SKAP1: variants seen among roughly 807,000 people sequenced by gnomAD.
SKAP1 encodes src kinase-associated phosphoprotein 1.
In SKAP1, 44 loss-of-function variants were observed where a neutral mutation model predicts 58.5. That is an observed-to-expected ratio of 0.75 (90% confidence interval 0.59 to 0.97). The LOEUF (loss-of-function observed/expected upper bound fraction) is 0.97. Among genes scored for constraint, SKAP1 ranks in the 50% least tolerant of loss-of-function variants. SKAP1 has a pLI of 0.00. For missense variants in SKAP1, 390 were observed against 435.2 expected (o/e 0.90, Z 0.92); for synonymous variants, 127 against 149.7 (o/e 0.85, Z 1.11).
At position 48,307,643 on chromosome 17, in the gene SKAP1, G is replaced by A. The variant is rs1349333148; in HGVS notation, c.280+38262C>T. 3.3e-5 allele frequency: 5 copies of A among 152,262 alleles called. No homozygotes were observed. In the East Asian group the frequency reaches 5.8e-4, roughly 18 times the overall value. 9.4% of individuals were successfully genotyped at this position (152,262 alleles called of 1,614,324 possible). A position where few individuals can be genotyped will look rare whatever the true frequency, so the allele number is the denominator to read the frequency against. On this transcript the variant is annotated intron_variant, in intron 4 of 12. Transcript: ENST00000336915. Reference sequence around the variant, plus strand: ...CAGATGTCTGTGGGGCTTTTTCTGTGCTTTAGAAAACAACATTAAATTTAA... The same window carrying A: ...CAGATGTCTGTGGGGCTTTTTCTGTACTTTAGAAAACAACATTAAATTTAA...
chr17:48,151,593 C>T (rs2063902923), intron 11 of SKAP1, among the ~76,000 whole-genome samples: 1 of 152,194 alleles, frequency 6.6e-6, no homozygotes, highest in East Asian at 1.9e-4. Flanking sequence ...TTATGCCTAT[C>T]TTTCTAGCTG....
intron 1 of SKAP1, among the ~76,000 whole-genome samples, chr17:48,401,140 T>A (rs965911647): frequency 6.6e-6 from 1 of 152,072 alleles, no homozygotes; most frequent in Admixed American, 6.5e-5. Context: ...ACCCTGTCTC[T>A]ACTAAAAATA....
At chr17:48,443,950 A>G in the SKAP1 span, among the ~76,000 whole-genome samples, 1 of 152,112 alleles carries the variant, frequency 6.6e-6, no homozygotes, top group Non-Finnish European at 1.5e-5. Context: ...ATTTTTCATA[A>G]TAAATAAAAT....
chr17:48,385,916 C>T (rs2067269482), intron 2 of SKAP1, among the ~76,000 whole-genome samples: 1 of 152,034 alleles, frequency 6.6e-6, no homozygotes, highest in African/African-American at 2.4e-5. Flanking sequence ...GGGATGCTGC[C>T]GGCCAAATGT....
At chr17:48,243,542 C>T (rs1286907426) in intron 4 of SKAP1, among the ~76,000 whole-genome samples, 1 of 152,112 alleles carries the variant, frequency 6.6e-6, no homozygotes, top group East Asian at 1.9e-4. Context: ...AACATGGTAA[C>T]ATATATCCAT....
At chr17:48,309,251 G>A (rs1434752829) in intron 4 of SKAP1, among the ~76,000 whole-genome samples, 1 of 151,558 alleles carries the variant, frequency 6.6e-6, no homozygotes, top group Non-Finnish European at 1.5e-5. Context: ...TATTTGTATT[G>A]TAAATATTTT....
intron 2 of SKAP1, among the ~76,000 whole-genome samples, chr17:48,374,322 G>A (rs951009263): frequency 6.6e-6 from 1 of 151,204 alleles, no homozygotes; most frequent in Non-Finnish European, 1.5e-5. Context: ...TTACAGATGT[G>A]AGCCATTGCA....
chr17:48,227,042 T>C (rs1205313107), intron 4 of SKAP1, among the ~76,000 whole-genome samples: 2 of 152,180 alleles, frequency 1.3e-5, no homozygotes, highest in African/African-American at 2.4e-5. Context: ...GTTTTGGTTA[T>C]TGAGCTTGCT....
intron 4 of SKAP1, among the ~76,000 whole-genome samples, chr17:48,206,104 T>A (rs1291303240): frequency 6.6e-6 from 1 of 152,178 alleles, no homozygotes; most frequent in Non-Finnish European, 1.5e-5. Context: ...ATGGAACTGA[T>A]GGATCATCTG....
intron 4 of SKAP1, among the ~76,000 whole-genome samples, chr17:48,336,726 G>A (rs531441555): frequency 6.6e-6 from 1 of 152,190 alleles, no homozygotes; most frequent in South Asian, 2.1e-4. Flanking sequence ...TAAGAATGAT[G>A]TGAATTCATT....
intron 8 of SKAP1, among the ~76,000 whole-genome samples, chr17:48,181,794 C>T (rs1241554369): frequency 6.6e-6 from 1 of 152,152 alleles, no homozygotes; most frequent in Non-Finnish European, 1.5e-5. Context: ...CCAGATAAGG[C>T]TTCCCTGGCC....
At chr17:48,397,106 C>T (rs775341070) in intron 1 of SKAP1, 9 of 430,976 alleles carry the variant, frequency 2.1e-5, no homozygotes, top group African/African-American at 1.5e-4. Flanking sequence ...CAAGACCTTG[C>T]TATGAATTTA....
chr17:48,135,174 T>C (rs2063683455), intron 12 of SKAP1, among the ~76,000 whole-genome samples: 1 of 152,242 alleles, frequency 6.6e-6, no homozygotes, highest in Admixed American at 6.5e-5. Flanking sequence ...TGTATTTTCC[T>C]AAATGAGTTC....
chr17:48,407,308 A>G (rs1224751860), intron 1 of SKAP1, among the ~76,000 whole-genome samples: 4 of 152,224 alleles, frequency 2.6e-5, no homozygotes, highest in Non-Finnish European at 5.9e-5. Flanking sequence ...AAACAAGTCT[A>G]TGGGGAAAAG....
At chr17:48,163,156 G>T (rs1429311937) in intron 10 of SKAP1, among the ~76,000 whole-genome samples, 1 of 152,144 alleles carries the variant, frequency 6.6e-6, no homozygotes, top group Non-Finnish European at 1.5e-5. Context: ...AACCAAGGGG[G>T]TGTCTCATCC....
At chr17:48,346,065 A>T (rs1276666630) in intron 3 of SKAP1, 59 bp from the exon 4 acceptor site, 3 of 992,704 alleles carry the variant, frequency 3.0e-6, no homozygotes, top group Non-Finnish European at 4.5e-6. Flanking sequence ...ATAAAAGGAT[A>T]CATCCTTATA....
Position 48,354,892 on chromosome 17 carries a change from G to A in SKAP1, c.179-8886C>T, listed in dbSNP as rs536325298. 2.0e-5 allele frequency among the ~76,000 whole-genome samples: 3 copies of A among 152,122 alleles called. No homozygotes were observed. In the East Asian group the frequency reaches 5.8e-4, roughly 29 times the overall value. On this transcript the variant is annotated intron_variant, in intron 3 of 12. Transcript: ENST00000336915. ...AAAACAAAAAAGCTTGTATTCAAAT[G>A]GACTACACTTTTCTCTCAATATTTT...
chr17:48,329,746 C>T (rs72827832), intron 4 of SKAP1, among the ~76,000 whole-genome samples: 3 of 151,862 alleles, frequency 2.0e-5, no homozygotes, highest in African/African-American at 7.3e-5. Context: ...ATGCTACTTC[C>T]TTTTCTGTGA....
At chr17:48,346,049 A>G in intron 3 of SKAP1, 43 bp from the exon 4 acceptor site, 1 of 1,245,516 alleles carries the variant, frequency 8.0e-7, no homozygotes, top group South Asian at 1.4e-5. Context: ...ATCTTTGGGC[A>G]TCCTTATAAA....
Sources: allele counts gnomAD v4.1 joint callset (sites outside exome capture counted in the v4.1 genomes callset), GRCh38; gene constraint gnomAD v4.1.1; transcripts MANE v1.5; gene names NCBI Gene and HGNC (gene_info 2026-07-23, HGNC 2026-07-21).